Variants in SKAP1 observed in about 807,000 individuals in gnomAD.
SKAP1 encodes src kinase associated phosphoprotein 1.
Under a neutral mutation model 58.5 loss-of-function variants are expected in SKAP1, and 44 were observed. The observed-to-expected ratio is 0.75, with a 90% confidence interval of 0.59 to 0.97. The LOEUF is 0.97. Among genes scored for constraint, SKAP1 ranks in the 50% least tolerant of loss-of-function variants. The pLI, the probability that SKAP1 is intolerant of heterozygous loss-of-function variation, is 0.00. For synonymous variants in SKAP1, 127 were observed against 149.7 expected, an observed-to-expected ratio of 0.85 and a Z score of 1.11; for missense variants, 390 against 435.2, an observed-to-expected ratio of 0.90 and a Z score of 0.92.
At chr17:48,385,888 G>C (rs1465857170) in intron 2 of SKAP1, among the ~76,000 whole-genome samples, 1 of 152,098 alleles carries the variant, frequency 6.6e-6, no homozygotes, top group African/African-American at 2.4e-5. Flanking sequence ...TAGAGACAAG[G>C]AAGTGCAAAG....
At chr17:48,236,074 G>T (rs2065177042) in intron 4 of SKAP1, among the ~76,000 whole-genome samples, 1 of 152,220 alleles carries the variant, frequency 6.6e-6, no homozygotes. Context: ...TGGATGTGAT[G>T]ATTGTAACAT....
intron 11 of SKAP1, among the ~76,000 whole-genome samples, chr17:48,161,588 C>T (rs978427188): frequency 5.7e-4 from 87 of 152,262 alleles, no homozygotes; most frequent in African/African-American, 1.5e-3. Flanking sequence ...AGTTTGTTTA[C>T]GGTCAACACT....
chr17:48,175,574 G>A (rs905084292), intron 9 of SKAP1, among the ~76,000 whole-genome samples: 3 of 152,216 alleles, frequency 2.0e-5, no homozygotes, highest in African/African-American at 7.2e-5. Flanking sequence ...TGGGCTTGAT[G>A]TATAAGATAT....
chr17:48,442,979 T>G, the SKAP1 span, among the ~76,000 whole-genome samples: 2 of 152,230 alleles, frequency 1.3e-5, no homozygotes, highest in African/African-American at 2.4e-5. Flanking sequence ...GCTGCCTGCA[T>G]GGACCCTTTA....
rs752043819 is a variant in SKAP1, at chr17:48,187,894, G to T, written c.391C>A (p.Arg131=). Residue 131 remains arginine, a synonymous_variant, in exon 6 of 13, where the codon CGA becomes AGA. Coordinates refer to ENST00000336915, the MANE Select transcript of SKAP1 (RefSeq NM_003726.4). The stretch of plus-strand genomic sequence containing the variant: ...AGACCTCTGCTGACAACACACCATC[G>T]CTTCTGCCACTCCGATCCAAAGAAA... ...HSFFGSEWQK[R]WCVVSRGLFY... is the part of the protein sequence containing the mutation. 8 of 1,613,754 alleles carry T rather than the reference G, an allele frequency of 5.0e-6. No homozygotes were observed. Among genetic ancestry groups the T allele is most frequent in the African/African-American group, 1.3e-5 (1 of 74,878 alleles).
chr17:48,180,638 T>C (rs955124641), intron 8 of SKAP1, among the ~76,000 whole-genome samples: 23 of 152,178 alleles, frequency 1.5e-4, no homozygotes, highest in African/African-American at 5.6e-4. Flanking sequence ...CTTGCAGTCC[T>C]CCAGGGTACT....
intron 2 of SKAP1, among the ~76,000 whole-genome samples, chr17:48,394,703 T>G (rs984706260): frequency 6.6e-6 from 1 of 152,172 alleles, no homozygotes; most frequent in African/African-American, 2.4e-5. Context: ...CCAAGCTTTT[T>G]GGGGGACATA....
intron 2 of SKAP1, among the ~76,000 whole-genome samples, chr17:48,367,536 G>GTATATATATATATGTATATATATCCATA (rs2067020905): frequency 1.5e-5 from 2 of 135,602 alleles, no homozygotes; most frequent in Non-Finnish European, 1.6e-5. Flanking sequence ...GTATGTGTGT[G>GTATATATATATATGTATATATATCCATA]TATATATATA....
chr17:48,379,682 CTTTT>C (rs397856911), intron 2 of SKAP1, among the ~76,000 whole-genome samples: 2 of 124,036 alleles, frequency 1.6e-5, no homozygotes, highest in African/African-American at 2.9e-5. Flanking sequence ...GTATCTTCTT[CTTTT>C]TTTTTTTTTT....
intron 4 of SKAP1, among the ~76,000 whole-genome samples, chr17:48,205,064 C>T (rs900932622): frequency 2.2e-5 from 3 of 135,310 alleles, no homozygotes; most frequent in African/African-American, 8.3e-5. Context: ...TTTCTTCTTT[C>T]TCTCTCTCTC....
At chr17:48,321,463 C>T (rs1368005157) in intron 4 of SKAP1, among the ~76,000 whole-genome samples, 3 of 151,410 alleles carry the variant, frequency 2.0e-5, no homozygotes, top group East Asian at 3.9e-4. Context: ...CTGCAAGCTC[C>T]GTCTTCCGGG....
intron 2 of SKAP1, among the ~76,000 whole-genome samples, chr17:48,383,004 T>C (rs1198289946): frequency 6.6e-6 from 1 of 152,192 alleles, no homozygotes; most frequent in Non-Finnish European, 1.5e-5. Flanking sequence ...CTCTAGCCGC[T>C]CACTGGCCCA....
At chr17:48,355,992 T>C (rs1423886169) in intron 3 of SKAP1, among the ~76,000 whole-genome samples, 1 of 152,152 alleles carries the variant, frequency 6.6e-6, no homozygotes, top group Non-Finnish European at 1.5e-5. Flanking sequence ...CAGTGGCTCA[T>C]GCCTATAATC....
intron 4 of SKAP1, among the ~76,000 whole-genome samples, chr17:48,281,039 T>G (rs1010180375): frequency 6.6e-6 from 1 of 152,036 alleles, no homozygotes; most frequent in African/African-American, 2.4e-5. Context: ...TTATTTTTTA[T>G]TTTTTGAGAT....
At position 48,153,901 on chromosome 17, in the gene SKAP1, A is replaced by G. The variant is rs200342860; in HGVS notation, c.978+8568T>C. Among the ~76,000 whole-genome samples, 53 of 152,166 alleles carry G rather than the reference A, an allele frequency of 3.5e-4. No homozygotes were observed. The East Asian group carries it at 9.3e-3, about 27-fold the overall frequency. ...CCCTCAGAGCCCTGAAATTAAAAAA[A>G]AAAAAAAAAAGAAAAAAAAATCCTT... On this transcript the variant is annotated intron_variant, in intron 11 of 12. Transcript: ENST00000336915.
chr17:48,350,898 G>C (rs1219655163), intron 3 of SKAP1, among the ~76,000 whole-genome samples: 1 of 152,080 alleles, frequency 6.6e-6, no homozygotes, highest in Non-Finnish European at 1.5e-5. Context: ...AAGAAATACA[G>C]CTCCCTCTTT....
At chr17:48,292,477 C>T (rs889889324) in intron 4 of SKAP1, among the ~76,000 whole-genome samples, 2 of 151,630 alleles carry the variant, frequency 1.3e-5, no homozygotes, top group African/African-American at 4.8e-5. Flanking sequence ...ACACAATAAG[C>T]AACAATAAAA....
intron 4 of SKAP1, among the ~76,000 whole-genome samples, chr17:48,299,235 G>A (rs1235849027): frequency 6.6e-6 from 1 of 152,174 alleles, no homozygotes; most frequent in Non-Finnish European, 1.5e-5. Context: ...ACACAATGGA[G>A]CATGCCCTTA....
intron 4 of SKAP1, among the ~76,000 whole-genome samples, chr17:48,272,686 G>T (rs1189696367): frequency 6.6e-6 from 1 of 151,926 alleles, no homozygotes; most frequent in Non-Finnish European, 1.5e-5. Flanking sequence ...CTCCCAAGTA[G>T]CTGGGACCAC....
Sources: allele counts gnomAD v4.1 joint callset (sites outside exome capture counted in the v4.1 genomes callset), GRCh38; gene constraint gnomAD v4.1.1; transcripts MANE v1.5; gene names NCBI Gene and HGNC (gene_info 2026-07-23, HGNC 2026-07-21).